The following C10orf67 variants were observed in gnomAD, a reference collection of about 807,000 sequenced individuals.
C10orf67 encodes the protein chromosome 10 open reading frame 67, also known as uncharacterized protein C10orf67, mitochondrial.
Under a neutral mutation model 35.6 loss-of-function variants are expected in C10orf67, and 60 were observed. The ratio of observed to expected loss-of-function variants is 1.68; its 90% confidence interval spans 1.37 to 2.09. The LOEUF (loss-of-function observed/expected upper bound fraction) is 2.09. C10orf67 is among the 30% of genes most tolerant of loss of function. The pLI is 0.00. For missense variants in C10orf67, 474 were observed against 330.2 expected (o/e 1.44, Z -3.38); for synonymous variants, 167 against 115.8 (o/e 1.44, Z -2.84).
At chr10:23,290,293 G>A (rs779761992) in intron 6 of C10orf67, among the ~76,000 whole-genome samples, 6 of 152,108 alleles carry the variant, frequency 3.9e-5, no homozygotes, top group South Asian at 2.1e-4. Flanking sequence ...TAATAAGAAC[G>A]ACCCAAAACT....
intron 13 of C10orf67, among the ~76,000 whole-genome samples, chr10:23,237,659 T>A (rs1436512761): frequency 6.6e-6 from 1 of 152,194 alleles, no homozygotes; most frequent in Non-Finnish European, 1.5e-5. Context: ...AGTATTGTGC[T>A]GTGTAAAATG....
chr10:23,250,540 G>A lies in C10orf67; in HGVS notation c.1281-20C>T, dbSNP rs897826158. 3.3e-5 allele frequency: 13 copies of A among 398,298 alleles called. No homozygotes were observed. Among genetic ancestry groups the A allele is most frequent in the Admixed American group, 8.8e-5 (2 of 22,668 alleles). The allele number at this position is 398,298 out of a possible 1,614,324, so 24.7% of individuals were successfully genotyped here. A position where few individuals can be genotyped will look rare whatever the true frequency, so the allele number is the denominator to read the frequency against. On this transcript the variant is annotated intron_variant, in intron 11 of 15. Transcript: ENST00000636213. Reference sequence around the variant, plus strand: ...CTAAACCTATAAAAAATTTACAGATGGTTAAATATTGTATTAGTTACAAAT... The same window carrying A: ...CTAAACCTATAAAAAATTTACAGATAGTTAAATATTGTATTAGTTACAAAT...
intron 4 of C10orf67, among the ~76,000 whole-genome samples, chr10:23,314,572 G>A (rs1381652619): frequency 6.6e-6 from 1 of 151,032 alleles, no homozygotes; most frequent in Non-Finnish European, 1.5e-5. Context: ...ATTCAGGTAG[G>A]TCCTCTGTTC....
chr10:23,236,990 A>G (rs1842067606), intron 13 of C10orf67, among the ~76,000 whole-genome samples: 1 of 152,176 alleles, frequency 6.6e-6, no homozygotes, highest in Non-Finnish European at 1.5e-5. Context: ...TTCATCACCC[A>G]GGTAGTAAGC....
Position 23,322,457 on chromosome 10 carries a change from T to C in C10orf67, c.408A>G (p.Glu136=), listed in dbSNP as rs762516455. Residue 136 remains glutamate (E), a synonymous_variant, in exon 3 of 16, where the codon GAA becomes GAG. Coordinates refer to ENST00000636213, the MANE Select transcript of C10orf67 (RefSeq NM_001371909.1). ...QLKFEDRLKE[E]SLSLFTILHD... ...GCAGAATGGTGAAGAGACTCAAAGA[T>C]TCCTCTTTCAGTCGGTCCTCAAACT... The C allele has an allele frequency of 1.2e-6, 2 of 1,609,256 alleles. No homozygotes were observed. The highest frequency in any genetic ancestry group is 1.1e-5 in the South Asian group (1 of 90,956).
intron 13 of C10orf67, among the ~76,000 whole-genome samples, chr10:23,224,437 G>A (rs951808576): frequency 2.0e-5 from 3 of 152,180 alleles, no homozygotes; most frequent in African/African-American, 7.2e-5. Flanking sequence ...AAAAAACAGA[G>A]CAGAAAAGCT....
chr10:23,313,039 C>T (rs372920685), intron 4 of C10orf67, among the ~76,000 whole-genome samples: 14 of 152,188 alleles, frequency 9.2e-5, no homozygotes, highest in African/African-American at 2.9e-4. Context: ...CTTTTATCAC[C>T]TCCCCACCCT....
At chr10:23,261,735 T>A (rs1842755571) in intron 10 of C10orf67, among the ~76,000 whole-genome samples, 1 of 152,192 alleles carries the variant, frequency 6.6e-6, no homozygotes, top group Non-Finnish European at 1.5e-5. Flanking sequence ...TGGTGAGATG[T>A]CACTGGTTAT....
chr10:23,285,061 G>A, intron 7 of C10orf67, among the ~76,000 whole-genome samples: 1 of 152,110 alleles, frequency 6.6e-6, no homozygotes, highest in Non-Finnish European at 1.5e-5. Context: ...GCTGTCATTT[G>A]TTCAACAACA....
chr10:23,327,965 T>A (rs1845261534), intron 2 of C10orf67, among the ~76,000 whole-genome samples: 2 of 152,108 alleles, frequency 1.3e-5, no homozygotes, highest in Non-Finnish European at 2.9e-5. Context: ...AGCACTGAAG[T>A]TAAAAATCAG....
chr10:23,221,722 G>A (rs913204633), intron 15 of C10orf67, among the ~76,000 whole-genome samples: 9 of 152,176 alleles, frequency 5.9e-5, no homozygotes, highest in Admixed American at 5.2e-4. Context: ...TTTCTAAAGA[G>A]AAGATTCATT....
chr10:23,287,074 C>G (rs950378042), intron 7 of C10orf67, among the ~76,000 whole-genome samples: 1 of 152,140 alleles, frequency 6.6e-6, no homozygotes, highest in Non-Finnish European at 1.5e-5. Flanking sequence ...AGATTCAATG[C>G]TATTTCCATC....
intron 15 of C10orf67, among the ~76,000 whole-genome samples, chr10:23,223,194 C>A (rs977816894): frequency 4.6e-5 from 7 of 152,070 alleles, no homozygotes; most frequent in African/African-American, 1.7e-4. Context: ...AATCCTCAAT[C>A]TCCTGATTAG....
chr10:23,245,601 A>T (rs988110269), intron 12 of C10orf67, among the ~76,000 whole-genome samples: 4 of 152,232 alleles, frequency 2.6e-5, no homozygotes, highest in Non-Finnish European at 5.9e-5. Context: ...TATATGAAAA[A>T]TTGCTCAATA....
At chr10:23,296,051 G>A (rs187524457) in intron 5 of C10orf67, among the ~76,000 whole-genome samples, 2 of 152,208 alleles carry the variant, frequency 1.3e-5, no homozygotes, top group East Asian at 3.9e-4. Context: ...TACTAGTGAG[G>A]GATTTAGATA....
chr10:23,209,364 G>T (rs1841244212), intron 15 of C10orf67, among the ~76,000 whole-genome samples: 2 of 152,122 alleles, frequency 1.3e-5, no homozygotes, highest in South Asian at 4.1e-4. Context: ...ACCAGGACAG[G>T]TTGGTGTCTT....
At chr10:23,259,900 A>T (rs911897711) in intron 10 of C10orf67, among the ~76,000 whole-genome samples, 1 of 152,202 alleles carries the variant, frequency 6.6e-6, no homozygotes, top group African/African-American at 2.4e-5. Context: ...TTCAAACTTT[A>T]ATGAGCTGAG....
At chr10:23,343,851 C>G in intron 1 of C10orf67, 1 of 455,236 alleles carries the variant, frequency 2.2e-6, no homozygotes, top group South Asian at 1.6e-5. Flanking sequence ...GAGCGAGGGC[C>G]GGGGCGCGAG....
chr10:23,287,121 A>G (rs916042391), intron 7 of C10orf67, among the ~76,000 whole-genome samples: 1 of 152,212 alleles, frequency 6.6e-6, no homozygotes, highest in African/African-American at 2.4e-5. Context: ...ATTAGTAAAA[A>G]CTATTTTAAA....
Sources: gnomAD v4.1 joint callset for allele counts (sites outside exome capture counted in the v4.1 genomes callset) on GRCh38, gnomAD v4.1.1 for gene constraint, MANE v1.5 for transcripts, NCBI Gene and HGNC (gene_info 2026-07-23, HGNC 2026-07-21) for gene names.